Variants in CSMD2 observed in about 807,000 individuals in gnomAD.
CSMD2 encodes CUB and sushi domain-containing protein 2.
A neutral mutation model predicts 398.5 loss-of-function variants in CSMD2; 130 were observed. The ratio of observed to expected loss-of-function variants is 0.33; its 90% CI spans 0.28 to 0.38. CSMD2 has a LOEUF of 0.38. Among genes scored for constraint, CSMD2 ranks in the 10% least tolerant of loss-of-function variants. The pLI, the probability that CSMD2 is intolerant of heterozygous loss-of-function variation, is 1.00. For missense variants in CSMD2, 3,829 were observed against 4,764.9 expected (o/e 0.80, Z 5.78); for synonymous variants, 1,828 against 1,908.5 (o/e 0.96, Z 1.10).
At chr1:33,543,761 A>G (rs1249665232) in intron 57 of CSMD2, among the ~76,000 whole-genome samples, 2 of 152,236 alleles carry the variant, frequency 1.3e-5, no homozygotes, top group Non-Finnish European at 2.9e-5. Flanking sequence ...TCTATCATCA[A>G]ATATTTGCTT....
intron 3 of CSMD2, among the ~76,000 whole-genome samples, chr1:34,030,250 T>C (rs1170656737): frequency 6.6e-6 from 1 of 152,254 alleles, no homozygotes; most frequent in Non-Finnish European, 1.5e-5. Context: ...TGATGGCTAC[T>C]GTATTGGACA....
At chr1:34,020,885 C>T (rs16836204) in intron 3 of CSMD2, among the ~76,000 whole-genome samples, 16,962 of 152,086 alleles carry the variant, frequency 0.11, 1,486 homozygotes, top group East Asian at 0.38. Context: ...AGGCCCTGGG[C>T]TATGGACCCT....
chr1:33,937,146 G>A (rs1017393943), intron 3 of CSMD2, among the ~76,000 whole-genome samples: 2 of 152,208 alleles, frequency 1.3e-5, no homozygotes, highest in Non-Finnish European at 2.9e-5. Flanking sequence ...GGTATGCAAA[G>A]TGCTTAGGAC....
Position 33,636,481 on chromosome 1 carries a change from C to T in CSMD2, c.4848G>A (p.Leu1616=). ...NGTRVGSDLK[L]GSSVTYYCHG... ...GGCAGTAGTAGGTGACGGAGGAGCCCAGCTTCAGGTCGGACCCCACCCGTG... is the reference window on the plus strand; with the variant it reads ...GGCAGTAGTAGGTGACGGAGGAGCCTAGCTTCAGGTCGGACCCCACCCGTG... The change falls in exon 30 of 71, where the codon CTG becomes CTA. Residue 1616 remains leucine, a synonymous_variant. Coordinates refer to ENST00000373381, the MANE Select transcript of CSMD2 (RefSeq NM_001281956.2). The surrounding 1 kb of genome is among the most constrained non-coding windows in gnomAD (Gnocchi z 4.8). 6.2e-7 allele frequency: 1 copy of T among 1,614,156 alleles called. No homozygotes were observed. Among genetic ancestry groups the T allele is most frequent in the East Asian group, 2.2e-5 (1 of 44,852 alleles).
intron 3 of CSMD2, among the ~76,000 whole-genome samples, chr1:34,023,092 TC>T (rs1307519593): frequency 3.3e-5 from 5 of 152,290 alleles, no homozygotes; most frequent in South Asian, 4.1e-4. Flanking sequence ...GGCCTTGGCC[TC>T]CCAAAGTACT....
chr1:33,571,578 C>T lies in CSMD2; in HGVS notation c.7911G>A (p.Gln2637=). The T allele has an allele frequency of 6.5e-7, 1 of 1,541,728 alleles. No individual in the cohort carries two copies. ...CCCCGAGGCTCCATTTGCCATTGGC[C>T]TGACAGCGGATGACCCTTTGGCCAG... The part of the protein sequence containing the change: ...YYTGQRVIRC[Q]ANGKWSLGDS... The change falls in exon 51 of 71, where the codon CAG becomes CAA. Residue 2637 remains glutamine, a synonymous_variant. Coordinates refer to ENST00000373381, the MANE Select transcript of CSMD2 (RefSeq NM_001281956.2).
At chr1:33,534,570 A>G (rs1655582858) in intron 62 of CSMD2, among the ~76,000 whole-genome samples, 1 of 151,910 alleles carries the variant, frequency 6.6e-6, no homozygotes, top group East Asian at 1.9e-4. Context: ...ATCTCTCCCT[A>G]CCCAATCCAC....
At chr1:33,961,559 A>C (rs1645360362) in intron 3 of CSMD2, among the ~76,000 whole-genome samples, 1 of 152,100 alleles carries the variant, frequency 6.6e-6, no homozygotes, top group Admixed American at 6.5e-5. Context: ...TACCTCTCTG[A>C]CCTTCAGGGG....
At position 33,819,794 on chromosome 1, in the gene CSMD2, G is replaced by T. The variant is rs972169084; in HGVS notation, c.1243C>A (p.Leu415Met). The part of the protein sequence containing the change: ...VQFTCNEGYD[L>M]QGSKRITCMK... ...CAGGTGATCCGCTTGGACCCTTGCA[G>T]GTCATAGCCCTCGTTGCAGGTGAAC... is the stretch of plus-strand genomic sequence containing the variant. Residue 415 changes from leucine to methionine, a missense_variant, in exon 9 of 71, where the codon CTG becomes ATG. This residue lies in a region of CSMD2 where 2,001 missense variants were observed against 2,567.1 expected (regional missense o/e 0.78). Coordinates refer to ENST00000373381, the MANE Select transcript of CSMD2 (RefSeq NM_001281956.2). 1 of 1,614,098 alleles carries T rather than the reference G, an allele frequency of 6.2e-7. No homozygotes were observed. The highest frequency in any genetic ancestry group is 8.5e-7 in the Non-Finnish European group (1 of 1,179,982).
chr1:34,101,246 C>T (rs1659912221), intron 1 of CSMD2, among the ~76,000 whole-genome samples: 1 of 152,218 alleles, frequency 6.6e-6, no homozygotes, highest in Admixed American at 6.5e-5. Context: ...CCAGGATGGT[C>T]TGCCTTCTTT....
At chr1:34,029,015 G>A (rs1570871468) in intron 3 of CSMD2, among the ~76,000 whole-genome samples, 2 of 152,312 alleles carry the variant, frequency 1.3e-5, no homozygotes, top group South Asian at 4.2e-4. Flanking sequence ...GGTGGAGGAG[G>A]ATCAAACTCG....
At chr1:33,801,569 T>C (rs778928423) in intron 10 of CSMD2, among the ~76,000 whole-genome samples, 1 of 152,202 alleles carries the variant, frequency 6.6e-6, no homozygotes, top group Admixed American at 6.5e-5. Flanking sequence ...CCCAGCACTG[T>C]GCTAACTGTG....
intron 33 of CSMD2, among the ~76,000 whole-genome samples, chr1:33,626,146 C>T (rs1460619766): frequency 6.6e-6 from 1 of 152,188 alleles, no homozygotes; most frequent in Non-Finnish European, 1.5e-5. Flanking sequence ...CAGACAAAAC[C>T]AAGCTCCAGG....
At chr1:34,010,364 A>G (rs181224596) in intron 3 of CSMD2, among the ~76,000 whole-genome samples, 1 of 152,328 alleles carries the variant, frequency 6.6e-6, no homozygotes, top group East Asian at 1.9e-4. Context: ...ACTGGATTAT[A>G]AGGATAATCC....
intron 2 of CSMD2, among the ~76,000 whole-genome samples, chr1:34,040,491 C>T (rs1247429702): frequency 6.6e-6 from 1 of 152,180 alleles, no homozygotes; most frequent in African/African-American, 2.4e-5. Flanking sequence ...ATTAAGGTCT[C>T]CCTGACTAGA....
In CSMD2 at chr1:33,627,103, C is replaced by T. The variant is rs531264248; in HGVS notation, c.5201-522G>A. Among the ~76,000 whole-genome samples the T allele has an allele frequency of 2.8e-4, 43 of 152,182 alleles. No individual in the cohort carries two copies. The South Asian group carries it at 4.2e-3, about 15-fold the overall frequency. On this transcript the variant is annotated intron_variant, in intron 32 of 70. Transcript: ENST00000373381. ...CCATCCTGTGAAATGATTACCAGAG[C>T]GATGGTGTAATGTATTGTTCATACT...
intron 6 of CSMD2, among the ~76,000 whole-genome samples, chr1:33,836,636 C>T (rs1215101032): frequency 6.6e-6 from 1 of 152,192 alleles, no homozygotes; most frequent in African/African-American, 2.4e-5. Context: ...ATGAGCGAGG[C>T]TCCGTGGGTG....
At chr1:34,145,345 C>G (rs543552902) in intron 1 of CSMD2, among the ~76,000 whole-genome samples, 7 of 152,332 alleles carry the variant, frequency 4.6e-5, no homozygotes, top group Admixed American at 3.3e-4. Context: ...TGTACCAGGA[C>G]AGCAGAAAGG....
chr1:33,968,731 C>CCT (rs1645648830), intron 3 of CSMD2, among the ~76,000 whole-genome samples: 2 of 152,206 alleles, frequency 1.3e-5, no homozygotes, highest in African/African-American at 4.8e-5. Context: ...AAACCCTGCA[C>CCT]TGAGGACCCA....
Sources: allele counts gnomAD v4.1 joint callset (sites outside exome capture counted in the v4.1 genomes callset), GRCh38; gene constraint gnomAD v4.1.1; regional missense constraint gnomAD v4.1.1; non-coding constraint Gnocchi (gnomAD v3.1); transcripts MANE v1.5; gene names NCBI Gene and HGNC (gene_info 2026-07-23, HGNC 2026-07-21).